Variants in THADA observed in about 807,000 individuals in gnomAD.
The protein encoded by THADA is tRNA (32-2'-O)-methyltransferase regulator THADA.
Under a neutral mutation model 219.8 loss-of-function variants are expected in THADA, and 213 were observed. That is an observed-to-expected ratio of 0.97 (90% CI 0.87 to 1.09). THADA has a LOEUF of 1.09. Ranked by LOEUF, THADA falls within the 50% of genes least tolerant of loss-of-function variation. THADA has a pLI of 0.00. For missense variants in THADA, 2,956 were observed against 2,311.3 expected (o/e 1.28, Z -5.72); for synonymous variants, 1,018 against 828.9 (o/e 1.23, Z -3.92).
intron 26 of THADA, among the ~76,000 whole-genome samples, chr2:43,433,773 T>C (rs1679695574): frequency 6.6e-6 from 1 of 152,090 alleles, no homozygotes; most frequent in African/African-American, 2.4e-5. Context: ...CTGCAACCTC[T>C]GCCTCCTAGG....
intron 30 of THADA, among the ~76,000 whole-genome samples, chr2:43,323,878 G>A (rs535581801): frequency 3.6e-4 from 55 of 152,324 alleles, no homozygotes; most frequent in African/African-American, 1.3e-3. Context: ...AGATGTGAGA[G>A]GGAATTCATT....
chr2:43,581,175 G>A (rs548848923), intron 8 of THADA, among the ~76,000 whole-genome samples: 62 of 152,090 alleles, frequency 4.1e-4, no homozygotes, highest in African/African-American at 1.4e-3. Context: ...CAAATTTACA[G>A]CTTAATAAAT....
intron 22 of THADA, among the ~76,000 whole-genome samples, chr2:43,521,513 A>C (rs957538679): frequency 6.6e-6 from 1 of 152,184 alleles, no homozygotes; most frequent in Admixed American, 6.5e-5. Context: ...CCGAGATTGC[A>C]CCACTGCACT....
chr2:43,578,576 A>C lies in THADA; in HGVS notation c.753T>G (p.Ser251=), dbSNP rs747401644. Residue 251 remains serine (S), a synonymous_variant, in exon 9 of 38, where the codon TCT becomes TCG. Transcript: ENST00000405975. ...TAATAAAAAGAATAATAGCTAATCC[A>C]GATGTGCTCTGTACAGTCTGTAACA... is the stretch of plus-strand genomic sequence containing the variant. ...DDLLQTVQST[S]GLAIILFIKT... 1 of 1,612,830 alleles carries C rather than the reference A, an allele frequency of 6.2e-7. No homozygotes were observed. The highest frequency in any genetic ancestry group is 1.7e-5 in the Admixed American group (1 of 59,982).
intron 26 of THADA, among the ~76,000 whole-genome samples, chr2:43,483,524 C>G (rs778734379): frequency 6.6e-6 from 1 of 152,140 alleles, no homozygotes; most frequent in African/African-American, 2.4e-5. Flanking sequence ...AAAGCTCTCA[C>G]ATTCTTCACA....
chr2:43,311,091 G>T (rs559140983), intron 31 of THADA, among the ~76,000 whole-genome samples: 1 of 152,010 alleles, frequency 6.6e-6, no homozygotes, highest in Non-Finnish European at 1.5e-5. Flanking sequence ...CAGGAGAATC[G>T]CTTGAAACCG....
At chr2:43,343,812 C>A (rs943940662) in intron 30 of THADA, 1 of 238,258 alleles carries the variant, frequency 4.2e-6, no homozygotes, top group Admixed American at 4.9e-5. Context: ...TAGTCAATTA[C>A]TGCCTTTCAT....
intron 20 of THADA, among the ~76,000 whole-genome samples, chr2:43,542,377 A>G (rs907975823): frequency 6.6e-6 from 1 of 152,240 alleles, no homozygotes; most frequent in Admixed American, 6.5e-5. Flanking sequence ...GTTTGAAACT[A>G]TTACAATAGG....
At position 43,452,918 on chromosome 2, in the gene THADA, C is replaced by A. The variant is rs183841116; in HGVS notation, c.3837-22616G>T. On this transcript the variant is annotated intron_variant, in intron 26 of 37. Coordinates refer to ENST00000405975, the MANE Select transcript of THADA (RefSeq NM_022065.5). ...TACTAGAATATCCCTTACTACCCTCCACCCACCCCCAAAAAAACATCTAAC... is the reference window on the plus strand; with the variant it reads ...TACTAGAATATCCCTTACTACCCTCAACCCACCCCCAAAAAAACATCTAAC... 2.2e-3 allele frequency among the ~76,000 whole-genome samples: 332 copies of A among 152,242 alleles called. 2 individuals are homozygous for A. The highest frequency in any genetic ancestry group is 7.5e-3 in the African/African-American group (312 of 41,548).
intron 30 of THADA, among the ~76,000 whole-genome samples, chr2:43,324,118 GA>G (rs2104473685): frequency 6.6e-6 from 1 of 152,348 alleles, no homozygotes; most frequent in East Asian, 1.9e-4. Flanking sequence ...GAACCATAAA[GA>G]GAAGTTGTTG....
At chr2:43,422,995 T>G (rs149689554) in intron 28 of THADA, among the ~76,000 whole-genome samples, 2 of 152,214 alleles carry the variant, frequency 1.3e-5, no homozygotes, top group Non-Finnish European at 2.9e-5. Context: ...TACAAAATGA[T>G]GACAACAACG....
At chr2:43,416,005 T>C (rs1044168277) in intron 28 of THADA, among the ~76,000 whole-genome samples, 3 of 152,236 alleles carry the variant, frequency 2.0e-5, no homozygotes, top group Non-Finnish European at 2.9e-5. Flanking sequence ...ATAATAATTA[T>C]ATGACCCTGA....
Position 43,566,831 on chromosome 2 carries a change from A to T in THADA, c.2188-10T>A. The T allele has an allele frequency of 6.9e-7, 1 of 1,442,530 alleles. No homozygotes were observed. The highest frequency in any genetic ancestry group is 9.1e-7 in the Non-Finnish European group (1 of 1,098,380). The allele number at this position is 1,442,530 out of a possible 1,614,324, so 89.4% of individuals were successfully genotyped here. On this transcript the variant is annotated splice_polypyrimidine_tract_variant and intron_variant, in intron 14 of 37. Transcript: ENST00000405975. ...TGGATGACATGAAATTCTTAAAAAAAAAAAAAAAATTACAGTAAGTATAAT... is the reference window on the plus strand; with the variant it reads ...TGGATGACATGAAATTCTTAAAAAATAAAAAAAAATTACAGTAAGTATAAT...
chr2:43,591,948 T>G lies in THADA; in HGVS notation c.171+4A>C. ...TGCATCCATGAATATCAATTCAGAC[T>G]TACCTGTTTAATATAATGGATTTGT... On this transcript the variant is annotated splice_donor_region_variant and intron_variant, in intron 3 of 37. Transcript: ENST00000405975. The G allele has an allele frequency of 1.3e-6, 2 of 1,512,616 alleles. No individual in the cohort carries two copies. The highest frequency in any genetic ancestry group is 1.8e-6 in the Non-Finnish European group (2 of 1,125,124). 93.7% of individuals were successfully genotyped at this position (1,512,616 alleles called of 1,614,324 possible).
intron 30 of THADA, among the ~76,000 whole-genome samples, chr2:43,321,008 A>G (rs1678641397): frequency 6.6e-6 from 1 of 152,238 alleles, no homozygotes; most frequent in Non-Finnish European, 1.5e-5. Context: ...GACTTGAAAT[A>G]ACCAGCTGAA....
intron 26 of THADA, chr2:43,484,255 T>G (rs937757414): frequency 1.2e-5 from 2 of 165,786 alleles, no homozygotes; most frequent in South Asian, 4.1e-4. Context: ...TTCATTAGAA[T>G]TATCACTAGT....
intron 37 of THADA, 123 bp from the exon 38 acceptor site, chr2:43,231,466 C>G: frequency 1.0e-6 from 1 of 994,750 alleles, no homozygotes; most frequent in East Asian, 2.7e-5. Flanking sequence ...ACAGAGGGTG[C>G]ACTCTTGCCT....
chr2:43,421,004 G>A (rs983877717), intron 28 of THADA, among the ~76,000 whole-genome samples: 2 of 152,170 alleles, frequency 1.3e-5, no homozygotes, highest in Non-Finnish European at 2.9e-5. Context: ...TCCAATCTCT[G>A]CTTCTAGATC....
intron 25 of THADA, chr2:43,486,503 T>A (rs1473678300): frequency 6.6e-6 from 1 of 152,194 alleles, no homozygotes; most frequent in Non-Finnish European, 1.5e-5. Context: ...AAACACATAC[T>A]TACTGGTATT....
Sources: gnomAD v4.1 joint callset for allele counts (sites outside exome capture counted in the v4.1 genomes callset) on GRCh38, gnomAD v4.1.1 for gene constraint, MANE v1.5 for transcripts, NCBI Gene and HGNC (gene_info 2026-07-23, HGNC 2026-07-21) for gene names.